PTPRN2: variants seen among roughly 807,000 people sequenced by gnomAD.
PTPRN2 encodes the protein protein tyrosine phosphatase receptor type N2.
A neutral mutation model predicts 118.8 loss-of-function variants in PTPRN2; 74 were observed. The observed-to-expected ratio is 0.62, with a 90% CI of 0.52 to 0.76. The LOEUF is 0.76. PTPRN2 is among the 30% of genes least tolerant of loss of function. The pLI, the probability that PTPRN2 is intolerant of heterozygous loss-of-function variation, is 0.00. For synonymous variants in PTPRN2, 641 were observed against 608.0 expected (o/e 1.05, Z -0.80); for missense variants, 1,481 against 1,394.4 (o/e 1.06, Z -0.99).
chr7:157,827,565 C>T (rs1393562598), intron 12 of PTPRN2, among the ~76,000 whole-genome samples: 4 of 152,250 alleles, frequency 2.6e-5, no homozygotes, highest in Admixed American at 1.3e-4. Context: ...TCACTTATTT[C>T]CCCCATGGGG....
rs1285032647 is a variant in PTPRN2, at chr7:158,273,626, A to AC, written c.277+43192_277+43193insG. 7.6e-5 allele frequency among the ~76,000 whole-genome samples: 6 copies of AC among 78,720 alleles called. 1 individual carries two copies. The highest frequency in any genetic ancestry group is 2.6e-4 in the Admixed American group (2 of 7,698). The allele number at this position is 78,720 out of a possible 152,430, so 51.6% of individuals were successfully genotyped here. ...GCCGCAGACACGGGGAGCCGCAGGCATGGGGGAGCCGCAGACAGACATGGG... is the reference window on the plus strand; with the variant it reads ...GCCGCAGACACGGGGAGCCGCAGGCACTGGGGGAGCCGCAGACAGACATGGG... On this transcript the variant is annotated intron_variant, in intron 3 of 22. Coordinates refer to ENST00000389418, the MANE Select transcript of PTPRN2 (RefSeq NM_002847.5).
At chr7:157,576,554 C>A (rs1040857829) in intron 19 of PTPRN2, 59 bp downstream of exon 19, 1 of 1,465,728 alleles carries the variant, frequency 6.8e-7, no homozygotes, top group Non-Finnish European at 9.2e-7. Context: ...ACCGAAGCCT[C>A]GCTCCCCTGT....
intron 9 of PTPRN2, among the ~76,000 whole-genome samples, chr7:158,125,574 C>A (rs964839156): frequency 6.6e-6 from 1 of 152,188 alleles, no homozygotes; most frequent in Non-Finnish European, 1.5e-5. Context: ...GGGCTATAAC[C>A]CCACACCACC....
At chr7:158,575,549 A>G (rs1426471847) in intron 1 of PTPRN2, among the ~76,000 whole-genome samples, 1 of 152,176 alleles carries the variant, frequency 6.6e-6, no homozygotes, top group African/African-American at 2.4e-5. Context: ...CATTTTTTGT[A>G]GAGATAGAGT....
At chr7:157,561,072 A>C (rs185508291) in intron 21 of PTPRN2, among the ~76,000 whole-genome samples, 10 of 152,056 alleles carry the variant, frequency 6.6e-5, no homozygotes, top group African/African-American at 9.6e-5. Flanking sequence ...TGGCCCTCTT[A>C]GTCCCGCACT....
chr7:157,770,778 G>T (rs774534429), intron 12 of PTPRN2, among the ~76,000 whole-genome samples: 19 of 152,192 alleles, frequency 1.2e-4, no homozygotes, highest in Non-Finnish European at 2.4e-4. Context: ...CAGATTCATT[G>T]CTGGGTGTGC....
intron 6 of PTPRN2, among the ~76,000 whole-genome samples, chr7:158,142,154 C>T (rs560816499): frequency 6.6e-6 from 1 of 152,376 alleles, no homozygotes; most frequent in South Asian, 2.1e-4. Context: ...AGATAGTGAA[C>T]AGTCACCCAC....
chr7:157,687,415 CGAT>C (rs1368894403), intron 12 of PTPRN2, among the ~76,000 whole-genome samples: 1 of 152,158 alleles, frequency 6.6e-6, no homozygotes, highest in East Asian at 1.9e-4. Context: ...CTCTGAGTCA[CGAT>C]GTGCAGTATT....
At chr7:157,825,507 C>A (rs750518792) in intron 12 of PTPRN2, among the ~76,000 whole-genome samples, 14 of 152,228 alleles carry the variant, frequency 9.2e-5, no homozygotes, top group Non-Finnish European at 1.6e-4. Context: ...TCACACTAAT[C>A]CTGACTAATA....
At position 158,074,308 on chromosome 7, in the gene PTPRN2, C is replaced by G. The variant is rs192317217; in HGVS notation, c.1723+6990G>C. On this transcript the variant is annotated intron_variant, in intron 11 of 22. Coordinates refer to ENST00000389418, the MANE Select transcript of PTPRN2 (RefSeq NM_002847.5). ...GAGGCTGGGCGTTCCGTGGAGAGAA[C>G]AGCTGAGACCCCCTCGGCAGCTTCC... Among the ~76,000 whole-genome samples, 429 of 152,286 alleles carry G rather than the reference C, an allele frequency of 2.8e-3. 4 individuals carry two copies. The highest frequency in any genetic ancestry group is 9.8e-3 in the African/African-American group (409 of 41,560).
chr7:157,664,435 C>T (rs578018196), intron 13 of PTPRN2, among the ~76,000 whole-genome samples: 48 of 152,326 alleles, frequency 3.2e-4, no homozygotes, highest in African/African-American at 1.0e-3. Context: ...ATCGCCACTA[C>T]GAATACTCTA....
chr7:158,425,961 A>T (rs373171814), intron 2 of PTPRN2, among the ~76,000 whole-genome samples: 2 of 49,012 alleles, frequency 4.1e-5, no homozygotes, highest in East Asian at 6.4e-4. Context: ...GGAAAGACGC[A>T]GAGTCCGAGA....
intron 5 of PTPRN2, among the ~76,000 whole-genome samples, chr7:158,186,362 C>T (rs772401613): frequency 1.3e-5 from 2 of 151,960 alleles, no homozygotes; most frequent in Admixed American, 6.6e-5. Context: ...AGTCTCCTGG[C>T]AGATTTCTCC....
At chr7:158,547,578 A>G (rs1005454229) in intron 1 of PTPRN2, among the ~76,000 whole-genome samples, 1 of 152,240 alleles carries the variant, frequency 6.6e-6, no homozygotes, top group Non-Finnish European at 1.5e-5. Flanking sequence ...ATTTTTAAAT[A>G]AAACACCAGC....
At position 158,247,432 on chromosome 7, in the gene PTPRN2, T is replaced by C. The variant is rs1251901031; in HGVS notation, c.278-42159A>G. On this transcript the variant is annotated intron_variant, in intron 3 of 22. Transcript: ENST00000389418. ...CGCAAAGGGAAGGAGTGGCCAGGGG[T>C]GCCCGTCCCAGGTGTGCTCTTCTTC... Among the ~76,000 whole-genome samples, 4 of 151,904 alleles carry C rather than the reference T, an allele frequency of 2.6e-5. No individual in the cohort carries two copies. The East Asian group carries it at 7.8e-4, about 30-fold the overall frequency.
chr7:157,841,157 C>T lies in PTPRN2; in HGVS notation c.1788+57516G>A, dbSNP rs202001662. ...TTCTGTGAAAGTCCTTCTGCAGTAA[C>T]AGTTCATGCGCTGGCCACGATGGCA... On this transcript the variant is annotated intron_variant, in intron 12 of 22. Coordinates refer to ENST00000389418, the MANE Select transcript of PTPRN2 (RefSeq NM_002847.5). 3.9e-5 allele frequency among the ~76,000 whole-genome samples: 6 copies of T among 152,374 alleles called. No homozygotes were observed. In the East Asian group the frequency reaches 1.2e-3, roughly 29 times the overall value.
Position 157,614,144 on chromosome 7 carries a change from G to A in PTPRN2, c.2344+7218C>T, listed in dbSNP as rs952055293. On this transcript the variant is annotated intron_variant, in intron 15 of 22. Transcript: ENST00000389418. ...GAGGACGGAGAGGAGGGGGAAGACA[G>A]GGGAGGAAGGGGGAGGACAGGGGAG... is the stretch of plus-strand genomic sequence containing the variant. 38 of 464,880 alleles carry A rather than the reference G, an allele frequency of 8.2e-5. No individual in the cohort carries two copies. The Admixed American group carries it at 9.0e-4, about 11-fold the overall frequency. 28.8% of individuals were successfully genotyped at this position (464,880 alleles called of 1,614,324 possible). A position where few individuals can be genotyped will look rare whatever the true frequency, so the allele number is the denominator to read the frequency against.
intron 2 of PTPRN2, among the ~76,000 whole-genome samples, chr7:158,397,243 G>A (rs73729795): frequency 1.6e-4 from 25 of 152,314 alleles, no homozygotes; most frequent in African/African-American, 4.8e-4. Context: ...GATGCCCTCC[G>A]AGGTAGGGAC....
At chr7:158,482,345 G>A (rs73180230) in intron 2 of PTPRN2, among the ~76,000 whole-genome samples, 1 of 152,288 alleles carries the variant, frequency 6.6e-6, no homozygotes, top group Non-Finnish European at 1.5e-5. Flanking sequence ...TTTCATGAAG[G>A]AAGAGTCAAC....
Sources: gnomAD v4.1 joint callset for allele counts (sites outside exome capture counted in the v4.1 genomes callset) on GRCh38, gnomAD v4.1.1 for gene constraint, MANE v1.5 for transcripts, NCBI Gene and HGNC (gene_info 2026-07-23, HGNC 2026-07-21) for gene names.